Variants in SPI1 observed in about 807,000 individuals in gnomAD.
SPI1 encodes transcription factor PU.1.
Under a neutral mutation model 30.7 loss-of-function variants are expected in SPI1, and 3 were observed. That is an observed-to-expected ratio of 0.10 (90% CI 0.04 to 0.25). The LOEUF (loss-of-function observed/expected upper bound fraction) is 0.25. Ranked by LOEUF, SPI1 falls within the 10% of genes least tolerant of loss-of-function variation. The probability of loss-of-function intolerance (pLI) is 1.00; values close to 1 mark genes in which losing one functional copy is unlikely to be tolerated. For synonymous variants in SPI1, 169 were observed against 157.1 expected (o/e 1.08, Z -0.56); for missense variants, 261 against 371.5 (o/e 0.70, Z 2.45).
At chr11:47,360,702 G>A (rs772249484) in intron 2 of SPI1, among the ~76,000 whole-genome samples, 1 of 150,622 alleles carries the variant, frequency 6.6e-6, no homozygotes, top group Non-Finnish European at 1.5e-5. Flanking sequence ...GGTAGGTGCC[G>A]TAATCCCAGC....
intron 2 of SPI1, among the ~76,000 whole-genome samples, chr11:47,361,170 C>T (rs1398774233): frequency 6.6e-6 from 1 of 152,122 alleles, no homozygotes; most frequent in African/African-American, 2.4e-5. Flanking sequence ...CCACGGGTTC[C>T]TGAGCTCCCT....
At chr11:47,362,873 T>G (rs1256330102) in intron 2 of SPI1, among the ~76,000 whole-genome samples, 2 of 151,826 alleles carry the variant, frequency 1.3e-5, no homozygotes, top group African/African-American at 2.4e-5. Flanking sequence ...TGCGCCCAGC[T>G]GAGACCCTGT....
chr11:47,367,748 ATTTTTTTTTTTT>A (rs1173025260), intron 2 of SPI1, among the ~76,000 whole-genome samples: 2 of 64,754 alleles, frequency 3.1e-5, no homozygotes, highest in Non-Finnish European at 5.2e-5. Context: ...TGATGGTTAA[ATTTTTTTTTTTT>A]TTTTTTTTTT....
rs1328655089 is a variant in SPI1 at position 47,374,230 on chromosome 11, G to A, written c.142+1403C>T. ...GCTGGGGATGGAGTTGGGGGAGGGG[G>A]ACTTTCTCTCTACATTGCCTGGGTT... On this transcript the variant is annotated intron_variant, in intron 2 of 4. Coordinates refer to ENST00000378538, the MANE Select transcript of SPI1 (RefSeq NM_003120.3). The surrounding 1 kb of genome is among the most constrained non-coding windows in gnomAD (Gnocchi z 4.5). Among the ~76,000 whole-genome samples the A allele has an allele frequency of 6.6e-6, 1 of 152,196 alleles. No individual in the cohort carries two copies.
At chr11:47,355,836 T>C (rs1167313719) in intron 4 of SPI1, among the ~76,000 whole-genome samples, 2 of 132,138 alleles carry the variant, frequency 1.5e-5, no homozygotes, top group African/African-American at 6.0e-5. Flanking sequence ...CATGCTCACA[T>C]CCACATAACG....
chr11:47,375,870 C>G lies in SPI1; in HGVS notation c.46-141G>C, dbSNP rs549339392. The G allele has an allele frequency of 2.0e-4, 147 of 735,570 alleles. No homozygotes were observed. In the East Asian group the frequency reaches 3.8e-3, roughly 19 times the overall value. The allele number at this position is 735,570 out of a possible 1,614,324, so 45.6% of individuals were successfully genotyped here. A position where few individuals can be genotyped will look rare whatever the true frequency, so the allele number is the denominator to read the frequency against. On this transcript the variant is annotated intron_variant, in intron 1 of 4. Transcript: ENST00000378538. The surrounding 1 kb of genome is among the most constrained non-coding windows in gnomAD (Gnocchi z 4.2). ...CCTACAGCCCTCCCTCTGCCTGGAACTGGGACAGAGAGTGGGGCAGGGGAC... is the reference window on the plus strand; with the variant it reads ...CCTACAGCCCTCCCTCTGCCTGGAAGTGGGACAGAGAGTGGGGCAGGGGAC...
intron 2 of SPI1, among the ~76,000 whole-genome samples, chr11:47,372,376 C>T (rs1389098477): frequency 0.026 from 2 of 78 alleles, no homozygotes; most frequent in Non-Finnish European, 0.05. Flanking sequence ...AGGCATGAGC[C>T]ACCACGCCCC....
intron 2 of SPI1, among the ~76,000 whole-genome samples, chr11:47,365,056 G>A (rs1317694466): frequency 6.6e-6 from 1 of 152,152 alleles, no homozygotes; most frequent in East Asian, 1.9e-4. Context: ...TGTCTGGTAG[G>A]CAGAAATATT....
chr11:47,369,008 G>T (rs1484408508), intron 2 of SPI1, among the ~76,000 whole-genome samples: 1 of 152,226 alleles, frequency 6.6e-6, no homozygotes, highest in Non-Finnish European at 1.5e-5. Flanking sequence ...CTATTTGGGA[G>T]GCTGAGCCGG....
At chr11:47,355,629 C>T (rs796362296) in intron 4 of SPI1, 83 bp from the exon 5 acceptor site, 4 of 1,238,248 alleles carry the variant, frequency 3.2e-6, no homozygotes, top group South Asian at 3.1e-5. Context: ...CACAGGGGCC[C>T]GGGGACGGGG....
rs778004298 is a variant in SPI1, at chr11:47,378,365, C to G, written c.-12G>C. On this transcript the variant is annotated 5_prime_UTR_variant, in exon 1 of 5. Transcript: ENST00000378538. Reference sequence around the variant, plus strand: ...CACGCCTGTAACATCCAGCCGGGCTCCGAGTCGGTCAGATCCCCTGCCTCG... The same window carrying G: ...CACGCCTGTAACATCCAGCCGGGCTGCGAGTCGGTCAGATCCCCTGCCTCG... The G allele has an allele frequency of 1.2e-6, 2 of 1,611,630 alleles. No homozygotes were observed. Among genetic ancestry groups the G allele is most frequent in the Non-Finnish European group, 1.7e-6 (2 of 1,178,984 alleles).
chr11:47,362,572 T>C (rs996739912), intron 2 of SPI1, among the ~76,000 whole-genome samples: 5 of 114,368 alleles, frequency 4.4e-5, no homozygotes, highest in South Asian at 2.6e-4. Flanking sequence ...CCCTGTCTCT[T>C]TTTTTTTTTT....
In SPI1 at chr11:47,358,930, CCCT is replaced by C; in HGVS notation, c.404_406del (p.Glu135del). On this transcript the variant is annotated inframe_deletion, in exon 4 of 5. Coordinates refer to ENST00000378538, the MANE Select transcript of SPI1 (RefSeq NM_003120.3). ...CTCCAGTGGGGGGCTCTGCCGCTCG[CCCT>C]CCTCCTCATCTGAGCTGGGCTGGGC... The C allele has an allele frequency of 1.3e-6, 2 of 1,565,516 alleles. No individual in the cohort carries two copies. The highest frequency in any genetic ancestry group is 2.3e-5 in the East Asian group (1 of 44,064).
In SPI1 at chr11:47,374,088, C is replaced by G. The variant is rs1451215940; in HGVS notation, c.142+1545G>C. 6.6e-6 allele frequency among the ~76,000 whole-genome samples: 1 copy of G among 152,132 alleles called. No homozygotes were observed. The highest frequency in any genetic ancestry group is 1.5e-5 in the Non-Finnish European group (1 of 68,026). ...GCACTGTCTGTGGTGACCCGAGCCA[C>G]CAGGGGGCGCCTGTCCCAGGGCCCA... On this transcript the variant is annotated intron_variant, in intron 2 of 4. Coordinates refer to ENST00000378538, the MANE Select transcript of SPI1 (RefSeq NM_003120.3). The surrounding 1 kb of genome is among the most constrained non-coding windows in gnomAD (Gnocchi z 4.5).
intron 2 of SPI1, among the ~76,000 whole-genome samples, chr11:47,367,655 T>A (rs867897448): frequency 2.7e-5 from 4 of 148,740 alleles, no homozygotes; most frequent in African/African-American, 9.9e-5. Context: ...AAATAACAAG[T>A]GTTAGTGAAG....
intron 4 of SPI1, among the ~76,000 whole-genome samples, chr11:47,356,863 CACATCTCACAT>C (rs1375716271): frequency 3.3e-5 from 5 of 151,360 alleles, no homozygotes; most frequent in African/African-American, 1.2e-4. Context: ...CCTGCTCACA[CACATCTCACAT>C]TACTCAGCTA....
chr11:47,368,531 C>T (rs1388799382), intron 2 of SPI1, among the ~76,000 whole-genome samples: 8 of 152,176 alleles, frequency 5.3e-5, no homozygotes, highest in African/African-American at 9.7e-5. Flanking sequence ...ATACGCAAAA[C>T]GTGGCACATG....
At chr11:47,378,269 G>A (rs755455530) in intron 1 of SPI1, 40 bp downstream of exon 1, 1 of 1,607,618 alleles carries the variant, frequency 6.2e-7, no homozygotes, top group Admixed American at 1.7e-5. Context: ...AGGCGTCCGA[G>A]GGCCACGGGT....
chr11:47,364,492 C>T (rs1351244264), intron 2 of SPI1, among the ~76,000 whole-genome samples: 1 of 152,024 alleles, frequency 6.6e-6, no homozygotes, highest in Non-Finnish European at 1.5e-5. Context: ...TGCTTCAGCC[C>T]CACTTCTGGC....
Sources: allele counts gnomAD v4.1 joint callset (sites outside exome capture counted in the v4.1 genomes callset), GRCh38; gene constraint gnomAD v4.1.1; non-coding constraint Gnocchi (gnomAD v3.1); transcripts MANE v1.5; gene names NCBI Gene and HGNC (gene_info 2026-07-23, HGNC 2026-07-21).